The following BCKDHB variants were observed in gnomAD, a reference collection of about 807,000 sequenced individuals.
The protein encoded by BCKDHB is branched chain keto acid dehydrogenase E1 subunit beta.
A neutral mutation model predicts 48.5 loss-of-function variants in BCKDHB; 41 were observed. That is an observed-to-expected ratio of 0.85 (90% confidence interval 0.66 to 1.10). BCKDHB has a LOEUF of 1.10. Among genes scored for constraint, BCKDHB ranks in the 50% least tolerant of loss-of-function variants. The pLI is 0.00. For missense variants in BCKDHB, 496 were observed against 494.2 expected (o/e 1.00, Z -0.03); for synonymous variants, 201 against 174.8 (o/e 1.15, Z -1.18).
At chr6:80,436,408 C>A in the BCKDHB span, among the ~76,000 whole-genome samples, 1 of 151,892 alleles carries the variant, frequency 6.6e-6, no homozygotes, top group Non-Finnish European at 1.5e-5. Flanking sequence ...GTGATCCACC[C>A]GCCTTGGCCT....
At chr6:80,208,455 A>G (rs1329646069) in intron 8 of BCKDHB, among the ~76,000 whole-genome samples, 3 of 151,804 alleles carry the variant, frequency 2.0e-5, no homozygotes, top group African/African-American at 7.2e-5. Flanking sequence ...AGTAGAAGAA[A>G]TGAAGTAATT....
the BCKDHB span, among the ~76,000 whole-genome samples, chr6:80,384,588 A>G: frequency 0.011 from 1,684 of 152,046 alleles, 32 homozygotes; most frequent in African/African-American, 0.038. Context: ...TGAACTCCTG[A>G]TCTTGTGATC....
intron 9 of BCKDHB, among the ~76,000 whole-genome samples, chr6:80,322,896 CTT>C (rs34177726): frequency 1.4e-3 from 165 of 115,532 alleles, no homozygotes; most frequent in Non-Finnish European, 2.0e-3. Context: ...TTTCTTTTTT[CTT>C]TTTTTTTTTT....
intron 3 of BCKDHB, among the ~76,000 whole-genome samples, chr6:80,154,152 T>A (rs1771924956): frequency 6.6e-6 from 1 of 152,198 alleles, no homozygotes; most frequent in African/African-American, 2.4e-5. Context: ...TCTCCTCTAA[T>A]AGCATTTTAT....
At chr6:80,257,628 G>A (rs1024736035) in intron 8 of BCKDHB, among the ~76,000 whole-genome samples, 2 of 151,990 alleles carry the variant, frequency 1.3e-5, no homozygotes, top group Admixed American at 6.6e-5. Context: ...GCGACAGGCT[G>A]TCTGTAAGCT....
At chr6:80,206,628 C>G (rs1210245477) in intron 8 of BCKDHB, among the ~76,000 whole-genome samples, 2 of 151,410 alleles carry the variant, frequency 1.3e-5, no homozygotes, top group Non-Finnish European at 1.5e-5. Flanking sequence ...ATATATCTGA[C>G]AATAAGAACT....
the BCKDHB span, among the ~76,000 whole-genome samples, chr6:80,408,380 G>A: frequency 1.1e-4 from 16 of 152,126 alleles, no homozygotes; most frequent in Admixed American, 1.0e-3. Flanking sequence ...AAATGAGTAA[G>A]GGAGGATTCC....
the BCKDHB span, among the ~76,000 whole-genome samples, chr6:80,423,473 C>A: frequency 6.6e-6 from 1 of 152,178 alleles, no homozygotes; most frequent in Admixed American, 6.5e-5. Context: ...ATCTTGCTAA[C>A]ATCCTATATT....
At chr6:80,312,772 G>A (rs1359488712) in intron 9 of BCKDHB, among the ~76,000 whole-genome samples, 3 of 152,298 alleles carry the variant, frequency 2.0e-5, no homozygotes, top group Admixed American at 6.5e-5. Flanking sequence ...GCATCCCACG[G>A]GTGAAGCCAG....
At chr6:80,416,769 TTTTTA>T in the BCKDHB span, among the ~76,000 whole-genome samples, 6 of 118,378 alleles carry the variant, frequency 5.1e-5, no homozygotes, top group East Asian at 1.1e-3. Context: ...TTTATTTTTA[TTTTTA>T]TTTTTTTTAA....
the BCKDHB span, among the ~76,000 whole-genome samples, chr6:80,458,369 G>T: frequency 6.6e-6 from 1 of 152,116 alleles, no homozygotes; most frequent in Non-Finnish European, 1.5e-5. Context: ...ACAGAGGCTG[G>T]GCATTTTATG....
intron 8 of BCKDHB, among the ~76,000 whole-genome samples, chr6:80,250,590 T>C (rs1776798985): frequency 6.6e-6 from 1 of 152,152 alleles, no homozygotes; most frequent in African/African-American, 2.4e-5. Flanking sequence ...CTCCTCTGTG[T>C]ACTTCTGTTG....
chr6:80,322,307 C>T (rs548317700), intron 9 of BCKDHB, among the ~76,000 whole-genome samples: 7 of 143,524 alleles, frequency 4.9e-5, no homozygotes, highest in Non-Finnish European at 9.0e-5. Context: ...GGCACAATCT[C>T]GGCTCACTGC....
intron 3 of BCKDHB, among the ~76,000 whole-genome samples, chr6:80,161,136 A>G (rs1349720796): frequency 2.0e-5 from 3 of 152,166 alleles, no homozygotes; most frequent in Non-Finnish European, 4.4e-5. Flanking sequence ...TTTGATTGAT[A>G]TAGATTCCTT....
chr6:80,298,511 A>T (rs1176452596), intron 9 of BCKDHB, among the ~76,000 whole-genome samples: 2 of 152,242 alleles, frequency 1.3e-5, no homozygotes, highest in Non-Finnish European at 2.9e-5. Context: ...GAGAATGGAA[A>T]AATTCAAGTT....
chr6:80,292,846 A>G (rs1379279469), intron 9 of BCKDHB, among the ~76,000 whole-genome samples: 1 of 152,206 alleles, frequency 6.6e-6, no homozygotes, highest in African/African-American at 2.4e-5. Context: ...AAGTTGGCCA[A>G]AACAGAAGGG....
the BCKDHB span, chr6:80,356,907 TC>T: frequency 6.8e-6 from 1 of 148,092 alleles, no homozygotes; most frequent in East Asian, 2.0e-4. Flanking sequence ...CTCTGCCTCT[TC>T]CTGTCCTTTT....
chr6:80,426,791 C>T, the BCKDHB span, among the ~76,000 whole-genome samples: 1 of 152,032 alleles, frequency 6.6e-6, no homozygotes, highest in Admixed American at 6.6e-5. Flanking sequence ...ATTGTGTATT[C>T]TACTGTTGTG....
the BCKDHB span, among the ~76,000 whole-genome samples, chr6:80,391,651 G>A: frequency 1.3e-5 from 2 of 152,240 alleles, no homozygotes; most frequent in South Asian, 2.1e-4. Flanking sequence ...GTTGTTGTAA[G>A]CCTCCAAAGT....
Sources: allele counts gnomAD v4.1 joint callset (sites outside exome capture counted in the v4.1 genomes callset), GRCh38; gene constraint gnomAD v4.1.1; transcripts MANE v1.5; gene names NCBI Gene and HGNC (gene_info 2026-07-23, HGNC 2026-07-21).